AMER2: variants seen among roughly 807,000 people sequenced by gnomAD.
AMER2 encodes APC membrane recruitment protein 2.
AMER2 carries 1 observed loss-of-function variant against 4.7 expected under a neutral mutation model. The ratio of observed to expected loss-of-function variants is 0.21; its 90% CI spans 0.07 to 1.00. The LOEUF (loss-of-function observed/expected upper bound fraction) is 1.00. Among genes scored for constraint, AMER2 ranks in the 50% least tolerant of loss-of-function variants. The pLI is 0.60. For missense variants in AMER2, 988 were observed against 966.9 expected (o/e 1.02, Z -0.29); for synonymous variants, 485 against 433.3 (o/e 1.12, Z -1.48).
At position 25,161,742 on chromosome 13, in the gene AMER2, C is replaced by T. The variant is rs538409256; in HGVS notation, c.*7862G>A. On this transcript the variant is annotated 3_prime_UTR_variant, in exon 1 of 1. Coordinates refer to ENST00000515384, the MANE Select transcript of AMER2 (RefSeq NM_152704.4). ...TGAATTAAACACAACAGTAAAATGG[C>T]AGTGTTGTAATTTCATTTTCAGATG... is the stretch of plus-strand genomic sequence containing the variant. 3.3e-5 allele frequency: 5 copies of T among 152,326 alleles called. No homozygotes were observed. The highest frequency in any genetic ancestry group is 2.6e-4 in the Admixed American group (4 of 15,300). The allele number at this position is 152,326 out of a possible 1,614,324, so 9.4% of individuals were successfully genotyped here. A position where few individuals can be genotyped will look rare whatever the true frequency, so the allele number is the denominator to read the frequency against.
rs954423865 is a variant in AMER2 at position 25,169,739 on chromosome 13, C to G, written c.1881G>C (p.Gln627His). 4 of 1,614,184 alleles carry G rather than the reference C, an allele frequency of 2.5e-6. No individual in the cohort carries two copies. The highest frequency in any genetic ancestry group is 3.4e-6 in the Non-Finnish European group (4 of 1,180,038). The stretch of plus-strand genomic sequence containing the variant: ...TGGGCATCTCACTCCTGGAGGGTTG[C>G]TGGTGCACCACGGGATGGCTAGATG... ...NLPSSHPVVHQQPSRSEMPRT... is the reference protein window; with the variant it reads ...NLPSSHPVVHHQPSRSEMPRT... The change falls in exon 1 of 1, where the codon CAG becomes CAC. Residue 627 changes from glutamine (Q) to histidine (H), a missense_variant. Physicochemically the swap from Gln to His is conservative, Grantham distance 24 (BLOSUM62 0). Coordinates refer to ENST00000515384, the MANE Select transcript of AMER2 (RefSeq NM_152704.4). This position sits in a 1 kb window ranked among gnomAD's most constrained non-coding sequence, Gnocchi z 4.2.
chr13:25,170,416 C>T lies in AMER2; in HGVS notation c.1204G>A (p.Gly402Arg), dbSNP rs559614059. 4 of 1,614,110 alleles carry T rather than the reference C, an allele frequency of 2.5e-6. No individual in the cohort carries two copies. The highest frequency in any genetic ancestry group is 2.2e-5 in the East Asian group (1 of 44,858). Residue 402 changes from glycine (G) to arginine (R), a missense_variant, in exon 1 of 1, where the codon GGG becomes AGG. Coordinates refer to ENST00000515384, the MANE Select transcript of AMER2 (RefSeq NM_152704.4). This position sits in a 1 kb window ranked among gnomAD's most constrained non-coding sequence, Gnocchi z 7.3. ...TTAGACAGAGCCGGCTTGCCTGGCC[C>T]GGGGACATGCTTGTCACAGCTGGGA... ...AGPSCDKHVPGPGKPALSKKN... is the reference protein window; with the variant it reads ...AGPSCDKHVPRPGKPALSKKN...
rs1956540681 is a variant in AMER2, at chr13:25,170,293, G to C, written c.1327C>G (p.Leu443Val). ...GGTCCCTGCTCCTCGGTCTGGGAGA[G>C]CATGTCCCAGAACTCCTGTAGATAG... ...DTYLQEFWDM[L>V]SQTEEQGPEP... Residue 443 changes from leucine (L) to valine (V), a missense_variant, in exon 1 of 1, where the codon CTC (leucine) becomes GTC (valine). Coordinates refer to ENST00000515384, the MANE Select transcript of AMER2 (RefSeq NM_152704.4). The surrounding 1 kb of genome is among the most constrained non-coding windows in gnomAD (Gnocchi z 7.3). 10 of 1,613,564 alleles carry C rather than the reference G, an allele frequency of 6.2e-6. No individual in the cohort carries two copies. Among genetic ancestry groups the C allele is most frequent in the South Asian group, 5.5e-5 (5 of 91,040 alleles).
rs1460020751 is a variant in AMER2, at chr13:25,161,712, T to C, written c.*7892A>G. 1.3e-5 allele frequency: 2 copies of C among 152,230 alleles called. No individual in the cohort carries two copies. Among genetic ancestry groups the C allele is most frequent in the Non-Finnish European group, 2.9e-5 (2 of 68,052 alleles). 9.4% of individuals were successfully genotyped at this position (152,230 alleles called of 1,614,324 possible). A position where few individuals can be genotyped will look rare whatever the true frequency, so the allele number is the denominator to read the frequency against. On this transcript the variant is annotated 3_prime_UTR_variant, in exon 1 of 1. Transcript: ENST00000515384. ...AAATGCAAAGGAGCAACAAAATTTA[T>C]TGACTGAATTAAACACAACAGTAAA... is the stretch of plus-strand genomic sequence containing the variant.
chr13:25,169,981 G>A lies in AMER2; in HGVS notation c.1639C>T (p.Arg547Trp), dbSNP rs755445946. 21 of 1,613,830 alleles carry A rather than the reference G, an allele frequency of 1.3e-5. No homozygotes were observed. The highest frequency in any genetic ancestry group is 1.4e-5 in the Non-Finnish European group (16 of 1,179,970). ...SSSGKKAGIP[R>W]DSYSGDALYD... The stretch of plus-strand genomic sequence containing the variant: ...AGCGCGTCCCCGCTGTAGCTATCCC[G>A]GGGGATGCCCGCCTTCTTCCCGCTG... Residue 547 changes from arginine to tryptophan, a missense_variant, in exon 1 of 1, where the codon CGG (arginine) becomes TGG (tryptophan). By Grantham distance (101) the Arg-to-Trp change is moderately radical. Transcript: ENST00000515384. This position sits in a 1 kb window ranked among gnomAD's most constrained non-coding sequence, Gnocchi z 4.2.
chr13:25,171,241 C>T lies in AMER2; in HGVS notation c.379G>A (p.Gly127Ser). 1 of 1,406,578 alleles carries T rather than the reference C, an allele frequency of 7.1e-7. No individual in the cohort carries two copies. Among genetic ancestry groups the T allele is most frequent in the Non-Finnish European group, 9.2e-7 (1 of 1,083,290 alleles). 87.1% of individuals were successfully genotyped at this position (1,406,578 alleles called of 1,614,324 possible). A position where few individuals can be genotyped will look rare whatever the true frequency, so the allele number is the denominator to read the frequency against. ...CCCCCGCCGCCCCCGCCGCTGTCGC[C>T]CCCGCCGCGCGGCTCCTCCTTCCTG... ...SGRKEEPRGGGDSGGGGGGRP... is the reference protein window; with the variant it reads ...SGRKEEPRGGSDSGGGGGGRP... Residue 127 changes from glycine (G) to serine (S), a missense_variant, in exon 1 of 1, where the codon GGC becomes AGC. Transcript: ENST00000515384. The surrounding 1 kb of genome is among the most constrained non-coding windows in gnomAD (Gnocchi z 5.9).
chr13:25,169,111 T>G lies in AMER2; in HGVS notation c.*493A>C, dbSNP rs1254901661. On this transcript the variant is annotated 3_prime_UTR_variant, in exon 1 of 1. Transcript: ENST00000515384. This position sits in a 1 kb window ranked among gnomAD's most constrained non-coding sequence, Gnocchi z 4.2. ...AAGGGTTTTGTTTTTGTTTTTGTTT[T>G]TTTTTAACTGGAAAGGAAAGAGGAA... The G allele has an allele frequency of 6.5e-6, 1 of 152,848 alleles. No homozygotes were observed. The highest frequency in any genetic ancestry group is 1.5e-5 in the Non-Finnish European group (1 of 68,266). The allele number at this position is 152,848 out of a possible 1,614,324, so 9.5% of individuals were successfully genotyped here. A position where few individuals can be genotyped will look rare whatever the true frequency, so the allele number is the denominator to read the frequency against.
At position 25,171,498 on chromosome 13, in the gene AMER2, G is replaced by T; in HGVS notation, c.122C>A (p.Ala41Glu). The change falls in exon 1 of 1, where the codon GCA (alanine) becomes GAA (glutamate). Residue 41 changes from alanine to glutamate, a missense_variant. Physicochemically the swap from Ala to Glu is moderately radical, Grantham distance 107 (BLOSUM62 -1). Transcript: ENST00000515384. The surrounding 1 kb of genome is among the most constrained non-coding windows in gnomAD (Gnocchi z 5.9). ...EAGAGTGTLA[A>E]DMDLHCDCAA... ...ACAGTCACAATGCAAGTCCATGTCT[G>T]CCGCGAGGGTCCCGGTCCCGGCCCC... 6.2e-7 allele frequency: 1 copy of T among 1,605,964 alleles called. No individual in the cohort carries two copies.
In AMER2 at chr13:25,170,404, G is replaced by T; in HGVS notation, c.1216C>A (p.Pro406Thr). 3 of 1,614,116 alleles carry T rather than the reference G, an allele frequency of 1.9e-6. No individual in the cohort carries two copies. The highest frequency in any genetic ancestry group is 2.2e-5 in the East Asian group (1 of 44,854). ...CDKHVPGPGK[P>T]ALSKKNPGVV... ...CCGGGGTTCTTTTTAGACAGAGCCG[G>T]CTTGCCTGGCCCGGGGACATGCTTG... Residue 406 changes from proline to threonine, a missense_variant, in exon 1 of 1, where the codon CCG (proline) becomes ACG (threonine). Transcript: ENST00000515384. The surrounding 1 kb of genome is among the most constrained non-coding windows in gnomAD (Gnocchi z 7.3).
Position 25,165,965 on chromosome 13 carries a change from A to T in AMER2, c.*3639T>A, listed in dbSNP as rs1956474046. On this transcript the variant is annotated 3_prime_UTR_variant, in exon 1 of 1. Coordinates refer to ENST00000515384, the MANE Select transcript of AMER2 (RefSeq NM_152704.4). ...TCTTCACACCAAGCTAACAGTCAAG[A>T]GTTGCCTTTAAAATTAATCTGACAA... 6.6e-6 allele frequency: 1 copy of T among 152,270 alleles called. No homozygotes were observed. The highest frequency in any genetic ancestry group is 1.5e-5 in the Non-Finnish European group (1 of 68,046). 9.4% of individuals were successfully genotyped at this position (152,270 alleles called of 1,614,324 possible). A position where few individuals can be genotyped will look rare whatever the true frequency, so the allele number is the denominator to read the frequency against.
At position 25,171,887 on chromosome 13, in the gene AMER2, T is replaced by C; in HGVS notation, c.-268A>G. The C allele has an allele frequency of 5.8e-6, 3 of 517,392 alleles. No homozygotes were observed. Among genetic ancestry groups the C allele is most frequent in the East Asian group, 7.3e-5 (2 of 27,470 alleles). The allele number at this position is 517,392 out of a possible 1,614,324, so 32.1% of individuals were successfully genotyped here. On this transcript the variant is annotated 5_prime_UTR_variant, in exon 1 of 1. Transcript: ENST00000515384. This position sits in a 1 kb window ranked among gnomAD's most constrained non-coding sequence, Gnocchi z 5.9. ...AGAAATTCGAGTCGTAATTATGGAA[T>C]TCAAATTCCCTCAACTCTCACCCAC... is the stretch of plus-strand genomic sequence containing the variant.
rs1956495400 is a variant in AMER2, at chr13:25,167,632, T to C, written c.*1972A>G. ...CATTTACACACATAAAGAAATTAAA[T>C]ATTAAAAGATTACTTTGAAATAACA... On this transcript the variant is annotated 3_prime_UTR_variant, in exon 1 of 1. Transcript: ENST00000515384. 1 of 152,142 alleles carries C rather than the reference T, an allele frequency of 6.6e-6. No homozygotes were observed. Among genetic ancestry groups the C allele is most frequent in the Non-Finnish European group, 1.5e-5 (1 of 67,986 alleles). 9.4% of individuals were successfully genotyped at this position (152,142 alleles called of 1,614,324 possible). A position where few individuals can be genotyped will look rare whatever the true frequency, so the allele number is the denominator to read the frequency against.
In AMER2 at chr13:25,167,928, C is replaced by T. The variant is rs953533536; in HGVS notation, c.*1676G>A. 4 of 152,140 alleles carry T rather than the reference C, an allele frequency of 2.6e-5. No homozygotes were observed. Among genetic ancestry groups the T allele is most frequent in the African/African-American group, 7.2e-5 (3 of 41,428 alleles). 9.4% of individuals were successfully genotyped at this position (152,140 alleles called of 1,614,324 possible). On this transcript the variant is annotated 3_prime_UTR_variant, in exon 1 of 1. Coordinates refer to ENST00000515384, the MANE Select transcript of AMER2 (RefSeq NM_152704.4). ...ATGTAATAACAGTTCATTACTAATGCAATCTCTCTGGAAATGAGACTTATA... is the reference window on the plus strand; with the variant it reads ...ATGTAATAACAGTTCATTACTAATGTAATCTCTCTGGAAATGAGACTTATA...
rs1956476091 is a variant in AMER2 at position 25,166,120 on chromosome 13, C to A, written c.*3484G>T. On this transcript the variant is annotated 3_prime_UTR_variant, in exon 1 of 1. Transcript: ENST00000515384. ...TTTAACTGCAAATACTTGAAGACTA[C>A]CTCTGAGATGAAGAAATAAATCCTT... 6.6e-6 allele frequency: 1 copy of A among 152,196 alleles called. No homozygotes were observed. Among genetic ancestry groups the A allele is most frequent in the South Asian group, 2.1e-4 (1 of 4,826 alleles). The allele number at this position is 152,196 out of a possible 1,614,324, so 9.4% of individuals were successfully genotyped here.
rs901217193 is a variant in AMER2 at position 25,166,144 on chromosome 13, T to C, written c.*3460A>G. The C allele has an allele frequency of 2.0e-5, 3 of 152,250 alleles. No homozygotes were observed. The highest frequency in any genetic ancestry group is 7.2e-5 in the African/African-American group (3 of 41,478). The allele number at this position is 152,250 out of a possible 1,614,324, so 9.4% of individuals were successfully genotyped here. ...ACCTCTGAGATGAAGAAATAAATCC[T>C]TTAAACACGGTGAGTTATTACCTTC... On this transcript the variant is annotated 3_prime_UTR_variant, in exon 1 of 1. Transcript: ENST00000515384.
chr13:25,170,261 G>A lies in AMER2; in HGVS notation c.1359C>T (p.Pro453=). ...CTGCCACCTTAGCCGCGCCCTCCTG[G>A]GGCTCGGGTCCCTGCTCCTCGGTCT... The part of the protein sequence containing the change: ...LSQTEEQGPE[P]QEGAAKVAAA... Residue 453 remains proline, a synonymous_variant, in exon 1 of 1, where the codon CCC becomes CCT. Transcript: ENST00000515384. The surrounding 1 kb of genome is among the most constrained non-coding windows in gnomAD (Gnocchi z 7.3). The A allele has an allele frequency of 6.2e-7, 1 of 1,613,114 alleles. No individual in the cohort carries two copies.
In AMER2 at chr13:25,167,121, T is replaced by A. The variant is rs1956488817; in HGVS notation, c.*2483A>T. 6.6e-6 allele frequency: 1 copy of A among 152,178 alleles called. No individual in the cohort carries two copies. The highest frequency in any genetic ancestry group is 6.5e-5 in the Admixed American group (1 of 15,278). The allele number at this position is 152,178 out of a possible 1,614,324, so 9.4% of individuals were successfully genotyped here. On this transcript the variant is annotated 3_prime_UTR_variant, in exon 1 of 1. Transcript: ENST00000515384. ...CAGCATAATGGTGTAAATGGAGGAT[T>A]AAGTCCTAAAATTATGAAAGCAAAA... is the stretch of plus-strand genomic sequence containing the variant.
In AMER2 at chr13:25,169,644, A is replaced by G. The variant is rs770349456; in HGVS notation, c.1976T>C (p.Ile659Thr). The G allele has an allele frequency of 5.0e-6, 8 of 1,609,606 alleles. No homozygotes were observed. Among genetic ancestry groups the G allele is most frequent in the Non-Finnish European group, 5.9e-6 (7 of 1,177,676 alleles). Residue 659 changes from isoleucine to threonine, a missense_variant, in exon 1 of 1, where the codon ATC (isoleucine) becomes ACC (threonine). Transcript: ENST00000515384. This position sits in a 1 kb window ranked among gnomAD's most constrained non-coding sequence, Gnocchi z 4.2. The part of the protein sequence containing the change: ...VSNRGLAGTT[I>T]RATACHDSAK... The stretch of plus-strand genomic sequence containing the variant: ...ACTGTCGTGGCAGGCCGTTGCTCTG[A>G]TGGTGGTCCCAGCCAAGCCCCGGTT...
rs1202944857 is a variant in AMER2 at position 25,168,261 on chromosome 13, A to G, written c.*1343T>C. On this transcript the variant is annotated 3_prime_UTR_variant, in exon 1 of 1. Coordinates refer to ENST00000515384, the MANE Select transcript of AMER2 (RefSeq NM_152704.4). ...TTGGCATAAAGTGTTTACAATACATAAGCTTGCCAGTGTCATATTCTGAAC... is the reference window on the plus strand; with the variant it reads ...TTGGCATAAAGTGTTTACAATACATGAGCTTGCCAGTGTCATATTCTGAAC... 6.6e-6 allele frequency: 1 copy of G among 152,192 alleles called. No homozygotes were observed. The highest frequency in any genetic ancestry group is 1.5e-5 in the Non-Finnish European group (1 of 68,026). 9.4% of individuals were successfully genotyped at this position (152,192 alleles called of 1,614,324 possible).
Sources: gnomAD v4.1 joint callset for allele counts on GRCh38, gnomAD v4.1.1 for gene constraint, Gnocchi (gnomAD v3.1) non-coding constraint, MANE v1.5 for transcripts, NCBI Gene and HGNC (gene_info 2026-07-23, HGNC 2026-07-21) for gene names.